Variants in LAMA5 observed in about 807,000 individuals in gnomAD.
The protein encoded by LAMA5 is laminin subunit alpha 5, also known as laminin subunit alpha-5.
A neutral mutation model predicts 433.4 loss-of-function variants in LAMA5; 260 were observed. That is an observed-to-expected ratio of 0.60 (90% CI 0.54 to 0.66). The LOEUF (loss-of-function observed/expected upper bound fraction) is 0.66, where lower values mean the gene tolerates loss of function less well. LAMA5 is among the 30% of genes least tolerant of loss of function. The probability of loss-of-function intolerance (pLI) is 0.00; values close to 1 mark genes in which losing one functional copy is unlikely to be tolerated. For missense variants in LAMA5, 5,378 were observed against 5,258.5 expected, an observed-to-expected ratio of 1.02 and a Z score of -0.70; for synonymous variants, 2,620 against 2,226.6, an observed-to-expected ratio of 1.18 and a Z score of -4.97.
At chr20:62,347,189 C>T (rs1009321834) in intron 6 of LAMA5, among the ~76,000 whole-genome samples, 161 bp from the exon 7 acceptor site, 6 of 152,196 alleles carry the variant, frequency 3.9e-5, no homozygotes, top group Non-Finnish European at 7.3e-5. Flanking sequence ...AGCAAGCGCT[C>T]GCCCAGACTC....
intron 41 of LAMA5, 124 bp downstream of exon 41, chr20:62,325,192 A>G (rs1979059406): frequency 7.7e-6 from 5 of 646,404 alleles, no homozygotes; most frequent in Non-Finnish European, 1.3e-5. Flanking sequence ...AAGCAGGGGC[A>G]GGAAGAGAGG....
intron 48 of LAMA5, among the ~76,000 whole-genome samples, 165 bp downstream of exon 48, chr20:62,321,854 G>A (rs1341619163): frequency 1.3e-5 from 2 of 151,932 alleles, no homozygotes; most frequent in Non-Finnish European, 2.9e-5. Flanking sequence ...TGGAGCTGCA[G>A]CGCTCCTCAG....
chr20:62,328,133 C>T, intron 35 of LAMA5, 108 bp downstream of exon 35: 1 of 1,515,642 alleles, frequency 6.6e-7, no homozygotes, highest in Non-Finnish European at 8.9e-7. Context: ...CGCTGCTGCA[C>T]CCAGGGAGCA....
intron 46 of LAMA5, 72 bp from the exon 47 acceptor site, chr20:62,322,521 C>T: frequency 6.7e-7 from 1 of 1,492,184 alleles, no homozygotes; most frequent in Non-Finnish European, 9.0e-7. Flanking sequence ...AGCCAGGGGT[C>T]CTGCCCATCT....
chr20:62,321,044 T>G (rs116454182), intron 48 of LAMA5, among the ~76,000 whole-genome samples, 154 bp from the exon 49 acceptor site: 6 of 151,200 alleles, frequency 4.0e-5, no homozygotes, highest in African/African-American at 1.5e-4. Context: ...GTCCCAGAGT[T>G]CTGGCAGAGT....
In LAMA5 at chr20:62,313,473, G is replaced by T; in HGVS notation, c.8659-13C>A. 6.3e-6 allele frequency: 10 copies of T among 1,592,952 alleles called. No individual in the cohort carries two copies. The highest frequency in any genetic ancestry group is 8.5e-6 in the Non-Finnish European group (10 of 1,170,736). ...GCAGGGGAGGGGGCTGTGGGCACAG[G>T]GCTGGGTCAGGGCACCTGGCCTGAG... On this transcript the variant is annotated splice_polypyrimidine_tract_variant and intron_variant, in intron 63 of 79. Coordinates refer to ENST00000252999, the MANE Select transcript of LAMA5 (RefSeq NM_005560.6).
intron 28 of LAMA5, among the ~76,000 whole-genome samples, chr20:62,332,051 C>CAAA (rs1160149059): frequency 5.3e-5 from 6 of 113,312 alleles, no homozygotes; most frequent in African/African-American, 2.0e-4. Flanking sequence ...GACTCCATTT[C>CAAA]AAAAAAAAAA....
intron 43 of LAMA5, 100 bp downstream of exon 43, chr20:62,323,980 C>G: frequency 1.4e-6 from 2 of 1,403,916 alleles, no homozygotes; most frequent in Non-Finnish European, 1.9e-6. Context: ...ACACCTCCAG[C>G]TGTCCAGGCC....
At chr20:62,332,955 C>T (rs950910264) in intron 26 of LAMA5, 135 bp downstream of exon 26, 7 of 96,590 alleles carry the variant, frequency 7.2e-5, no homozygotes, top group South Asian at 1.3e-4. Context: ...GAGGCAGGGG[C>T]GCCCTGCCTG....
Position 62,346,577 on chromosome 20 carries a change from T to C in LAMA5, c.1211A>G (p.Asn404Ser), listed in dbSNP as rs779879922. 6.3e-7 allele frequency: 1 copy of C among 1,587,064 alleles called. No individual in the cohort carries two copies. Among genetic ancestry groups the C allele is most frequent in the Middle Eastern group, 1.7e-4 (1 of 6,030 alleles). The change falls in exon 9 of 80, where the codon AAC becomes AGC. Residue 404 changes from asparagine (N) to serine (S), a missense_variant. Physicochemically the swap from Asn to Ser is conservative, Grantham distance 46. Coordinates refer to ENST00000252999, the MANE Select transcript of LAMA5 (RefSeq NM_005560.6). Reference protein sequence around the residue: ...IDCQHHTTGVNCERCLPGFYR... With the variant: ...IDCQHHTTGVSCERCLPGFYR... ...GAAGCCGGGCAGGCAGCGCTCACAG[T>C]TGACGCCGGTGGTGTGGTGCTGGGA...
intron 2 of LAMA5, among the ~76,000 whole-genome samples, chr20:62,361,916 G>A (rs1452575871): frequency 6.6e-6 from 1 of 152,210 alleles, no homozygotes; most frequent in Admixed American, 6.5e-5. Context: ...GGGGACTGGA[G>A]AGCAGGCACC....
At chr20:62,364,661 A>G (rs1284125176) in intron 1 of LAMA5, among the ~76,000 whole-genome samples, 2 of 152,074 alleles carry the variant, frequency 1.3e-5, no homozygotes, top group Non-Finnish European at 2.9e-5. Context: ...CCCAGTCCCC[A>G]CCTTCCCAGG....
In LAMA5 at chr20:62,318,965, G is replaced by T; in HGVS notation, c.6920C>A (p.Pro2307Gln). The change falls in exon 52 of 80, where the codon CCA becomes CAA. Residue 2307 changes from proline to glutamine, a missense_variant. Pro to Gln is a moderately conservative substitution (Grantham distance 76). Coordinates refer to ENST00000252999, the MANE Select transcript of LAMA5 (RefSeq NM_005560.6). ...TGTCCGGAGCAGCTGCTCACCTGAT[G>T]GAGCCGAGGCATTGGCCAGCCCCAG... The part of the protein sequence containing the change: ...GHLGLANASA[P>Q]SGEQLLRTLA... 1 of 1,595,134 alleles carries T rather than the reference G, an allele frequency of 6.3e-7. No individual in the cohort carries two copies.
intron 72 of LAMA5, 36 bp from the exon 73 acceptor site, chr20:62,311,343 C>T (rs1478335229): frequency 2.0e-6 from 3 of 1,523,666 alleles, no homozygotes; most frequent in Admixed American, 2.2e-5. Flanking sequence ...GGGCCGCCCA[C>T]ACAGGGGCCA....
chr20:62,317,123 C>G, intron 55 of LAMA5, 100 bp from the exon 56 acceptor site: 1 of 1,321,234 alleles, frequency 7.6e-7, no homozygotes, highest in Non-Finnish European at 1.0e-6. Context: ...CCGTGCCTGC[C>G]CGCCAAGTCC....
In LAMA5 at chr20:62,340,222, T is replaced by C. The variant is rs568900705; in HGVS notation, c.1478-1614A>G. On this transcript the variant is annotated intron_variant, in intron 11 of 79. Coordinates refer to ENST00000252999, the MANE Select transcript of LAMA5 (RefSeq NM_005560.6). The stretch of plus-strand genomic sequence containing the variant: ...GAGACAAAGACTGGATGGAGATACA[T>C]AGGTAGACTGTGACAGCTCAGAGGG... Among the ~76,000 whole-genome samples, 4 of 150,370 alleles carry C rather than the reference T, an allele frequency of 2.7e-5. No homozygotes were observed. In the East Asian group the frequency reaches 5.9e-4, roughly 22 times the overall value.
At chr20:62,354,072 C>G (rs1022082966) in intron 2 of LAMA5, among the ~76,000 whole-genome samples, 1 of 152,148 alleles carries the variant, frequency 6.6e-6, no homozygotes, top group Non-Finnish European at 1.5e-5. Flanking sequence ...CCAGCCCCAC[C>G]TTGGCTCTGC....
At chr20:62,324,000 G>A in intron 43 of LAMA5, 80 bp downstream of exon 43, 2 of 1,420,202 alleles carry the variant, frequency 1.4e-6, no homozygotes, top group Non-Finnish European at 1.9e-6. Flanking sequence ...CTCTGCAGAG[G>A]GCAGTGGGAA....
chr20:62,355,259 T>TCC (rs1327338475), intron 2 of LAMA5: 1 of 152,320 alleles, frequency 6.6e-6, no homozygotes, highest in Non-Finnish European at 1.5e-5. Context: ...GGAGAGTTTC[T>TCC]CCCCACAGCA....
Sources: allele counts gnomAD v4.1 joint callset (sites outside exome capture counted in the v4.1 genomes callset), GRCh38; gene constraint gnomAD v4.1.1; transcripts MANE v1.5; gene names NCBI Gene and HGNC (gene_info 2026-07-23, HGNC 2026-07-21).